ENAH: variants seen among roughly 807,000 people sequenced by gnomAD.
ENAH encodes ENAH actin regulator, also known as protein enabled homolog.
Under a neutral mutation model 78.7 loss-of-function variants are expected in ENAH, and 23 were observed. That is an observed-to-expected ratio of 0.29 (90% CI 0.21 to 0.41). ENAH has a LOEUF of 0.41. Ranked by LOEUF, ENAH falls within the 10% of genes least tolerant of loss-of-function variation. The pLI is 1.00. For missense variants in ENAH, 544 were observed against 691.0 expected (o/e 0.79, Z 2.39); for synonymous variants, 226 against 241.0 (o/e 0.94, Z 0.58).
chr1:225,611,399 A>G (rs6698989), intron 1 of ENAH, among the ~76,000 whole-genome samples: 1 of 151,946 alleles, frequency 6.6e-6, no homozygotes, highest in South Asian at 2.1e-4. Context: ...GGTCACTGCA[A>G]CCTCTGCCTC....
intron 1 of ENAH, among the ~76,000 whole-genome samples, chr1:225,581,724 C>T (rs1407302106): frequency 6.6e-6 from 1 of 151,992 alleles, no homozygotes; most frequent in Non-Finnish European, 1.5e-5. Context: ...GACAGGGTTT[C>T]ACTCCGTCAC....
chr1:225,631,432 G>C (rs538375315), intron 1 of ENAH, among the ~76,000 whole-genome samples: 56 of 151,894 alleles, frequency 3.7e-4, no homozygotes, highest in African/African-American at 1.3e-3. Flanking sequence ...AAATTGGCTG[G>C]ACGTGGTGGC....
intron 1 of ENAH, among the ~76,000 whole-genome samples, chr1:225,613,488 TCTA>T (rs1454453935): frequency 2.6e-5 from 4 of 152,206 alleles, no homozygotes; most frequent in South Asian, 4.1e-4. Flanking sequence ...ACTTGTTCCT[TCTA>T]CTTTTTCAGT....
At chr1:225,547,012 T>C (rs1558791796) in intron 3 of ENAH, among the ~76,000 whole-genome samples, 1 of 152,208 alleles carries the variant, frequency 6.6e-6, no homozygotes, top group African/African-American at 2.4e-5. Context: ...ACACACATTA[T>C]ATTCAAACAT....
intron 2 of ENAH, among the ~76,000 whole-genome samples, chr1:225,561,225 G>A (rs536124897): frequency 8.6e-5 from 13 of 151,458 alleles, no homozygotes; most frequent in South Asian, 2.1e-4. Flanking sequence ...GTGAGACTCC[G>A]TCTCAAAAAC....
chr1:225,520,432 G>A (rs567042825), intron 4 of ENAH, among the ~76,000 whole-genome samples: 20 of 152,122 alleles, frequency 1.3e-4, no homozygotes, highest in Admixed American at 2.6e-4. Flanking sequence ...ATACACATAC[G>A]CGCACACACG....
chr1:225,503,118 T>C (rs567105429), intron 11 of ENAH, among the ~76,000 whole-genome samples: 1 of 152,184 alleles, frequency 6.6e-6, no homozygotes, highest in South Asian at 2.1e-4. Flanking sequence ...ATGCAATCCA[T>C]CACCACCACC....
chr1:225,585,215 C>CAAAAAA (rs58586397), intron 1 of ENAH, among the ~76,000 whole-genome samples: 4 of 49,932 alleles, frequency 8.0e-5, no homozygotes, highest in Non-Finnish European at 1.0e-4. Context: ...TACCCTGTCT[C>CAAAAAA]AAAAAAAAAA....
chr1:225,612,719 G>A (rs1027028455), intron 1 of ENAH, among the ~76,000 whole-genome samples: 1 of 152,058 alleles, frequency 6.6e-6, no homozygotes, highest in African/African-American at 2.4e-5. Flanking sequence ...CAAATATTCT[G>A]GCAATAAATA....
At chr1:225,549,024 G>A (rs1426360687) in intron 3 of ENAH, among the ~76,000 whole-genome samples, 3 of 151,732 alleles carry the variant, frequency 2.0e-5, no homozygotes, top group East Asian at 1.9e-4. Flanking sequence ...TAATTTTTGC[G>A]TTTTTAGTAG....
intron 3 of ENAH, among the ~76,000 whole-genome samples, chr1:225,538,988 C>G (rs1169161901): frequency 3.3e-5 from 5 of 152,168 alleles, no homozygotes; most frequent in Non-Finnish European, 5.9e-5. Context: ...CAAATGCCCT[C>G]CTACCATTTG....
At chr1:225,597,028 A>G (rs1423052768) in intron 1 of ENAH, among the ~76,000 whole-genome samples, 1 of 151,894 alleles carries the variant, frequency 6.6e-6, no homozygotes, top group African/African-American at 2.4e-5. Context: ...TCCCCTTCCC[A>G]CCTCTCCCCT....
rs367892011 is a variant in ENAH at position 225,558,228 on chromosome 1, T to C, written c.172-3145A>G. Among the ~76,000 whole-genome samples, 25 of 152,294 alleles carry C rather than the reference T, an allele frequency of 1.6e-4. No individual in the cohort carries two copies. The South Asian group carries it at 5.0e-3, about 30-fold the overall frequency. On this transcript the variant is annotated intron_variant, in intron 2 of 13. Transcript: ENST00000366843. ...AAAGTAATGCTGGACTTAAAATGAA[T>C]TGGCACTGTAGAGTTGACAAAAAGA...
At chr1:225,530,757 T>C (rs1257446391) in intron 3 of ENAH, 119 bp from the exon 4 acceptor site, 1 of 751,702 alleles carries the variant, frequency 1.3e-6, no homozygotes, top group African/African-American at 1.8e-5. Flanking sequence ...CTTCTTTTTG[T>C]CTAGCAAAAT....
intron 5 of ENAH, chr1:225,517,747 TG>T: frequency 6.4e-7 from 1 of 1,551,032 alleles, no homozygotes; most frequent in Non-Finnish European, 8.7e-7. Flanking sequence ...TGTAGCGTAA[TG>T]GGGAAGAACA....
At chr1:225,547,877 G>T (rs566242192) in intron 3 of ENAH, among the ~76,000 whole-genome samples, 1 of 152,004 alleles carries the variant, frequency 6.6e-6, no homozygotes, top group African/African-American at 2.4e-5. Context: ...ATATGTTCCC[G>T]GCTGCTCCAG....
chr1:225,516,276 C>T (rs897998225), intron 6 of ENAH, among the ~76,000 whole-genome samples: 68 of 152,112 alleles, frequency 4.5e-4, no homozygotes, highest in African/African-American at 1.6e-3. Context: ...ACCTTGGAAC[C>T]CTTTAGGGCA....
At chr1:225,544,059 G>A (rs952884043) in intron 3 of ENAH, among the ~76,000 whole-genome samples, 4 of 152,182 alleles carry the variant, frequency 2.6e-5, no homozygotes, top group Non-Finnish European at 5.9e-5. Flanking sequence ...GCTGCTGTGT[G>A]TTGTGAATGG....
intron 1 of ENAH, among the ~76,000 whole-genome samples, chr1:225,633,543 C>T (rs554852623): frequency 4.6e-5 from 7 of 152,284 alleles, no homozygotes; most frequent in South Asian, 2.1e-4. Context: ...TTTGGAGTTA[C>T]GCAGGACTTA....
Sources: allele counts gnomAD v4.1 joint callset (sites outside exome capture counted in the v4.1 genomes callset), GRCh38; gene constraint gnomAD v4.1.1; transcripts MANE v1.5; gene names NCBI Gene and HGNC (gene_info 2026-07-23, HGNC 2026-07-21).